The following UTP20 variants were observed in gnomAD, a reference collection of about 807,000 sequenced individuals.
UTP20 encodes UTP20 small subunit processome component.
Under a neutral mutation model 329.5 loss-of-function variants are expected in UTP20, and 164 were observed. The observed-to-expected ratio is 0.50, with a 90% CI of 0.44 to 0.57. The LOEUF (loss-of-function observed/expected upper bound fraction) is 0.57. Ranked by LOEUF, UTP20 falls within the 20% of genes least tolerant of loss-of-function variation. The pLI is 0.00. For synonymous variants in UTP20, 1,151 were observed against 1,159.3 expected (o/e 0.99, Z 0.14); for missense variants, 3,055 against 3,284.2 (o/e 0.93, Z 1.71).
chr12:101,333,522 C>T (rs1868831761), intron 28 of UTP20, 78 bp downstream of exon 28: 1 of 1,529,454 alleles, frequency 6.5e-7, no homozygotes, highest in African/African-American at 1.4e-5. Context: ...TAGCTACCAC[C>T]CAGACATGAA....
Position 101,367,842 on chromosome 12 carries a change from C to A in UTP20, c.6268-18C>A. ...CTAATGGGCAACTAATGTGAAATACCTGTTTGAACTCTCTTAGCTGCTGCA... is the reference window on the plus strand; with the variant it reads ...CTAATGGGCAACTAATGTGAAATACATGTTTGAACTCTCTTAGCTGCTGCA... On this transcript the variant is annotated intron_variant, in intron 47 of 61. Transcript: ENST00000261637. 1.3e-6 allele frequency: 2 copies of A among 1,551,308 alleles called. No individual in the cohort carries two copies. Among genetic ancestry groups the A allele is most frequent in the South Asian group, 1.1e-5 (1 of 89,430 alleles).
intron 44 of UTP20, among the ~76,000 whole-genome samples, chr12:101,363,306 A>G (rs975578054): frequency 2.6e-5 from 4 of 152,238 alleles, no homozygotes; most frequent in Non-Finnish European, 5.9e-5. Context: ...AAGTCATACA[A>G]TTATATATGT....
At chr12:101,282,206 T>A (rs551488120) in intron 2 of UTP20, among the ~76,000 whole-genome samples, 9 of 152,310 alleles carry the variant, frequency 5.9e-5, no homozygotes, top group Admixed American at 3.9e-4. Context: ...TGATGTCGTC[T>A]AGGTGAGCAC....
intron 20 of UTP20, 59 bp from the exon 21 acceptor site, chr12:101,311,977 A>G (rs1282225223): frequency 1.2e-6 from 2 of 1,604,716 alleles, no homozygotes; most frequent in Admixed American, 3.4e-5. Flanking sequence ...CTCTTGAGAA[A>G]ACACTTAAGA....
chr12:101,365,647 C>T (rs1162492801), intron 46 of UTP20, 22 bp downstream of exon 46: 1 of 1,542,872 alleles, frequency 6.5e-7, no homozygotes. Context: ...AAAAAACAAA[C>T]TGTCATTTAG....
At chr12:101,339,654 C>T (rs752170698) in intron 31 of UTP20, among the ~76,000 whole-genome samples, 7 of 151,960 alleles carry the variant, frequency 4.6e-5, no homozygotes, top group Admixed American at 2.6e-4. Context: ...GCAGATTGTT[C>T]GGTTTTTTTG....
At chr12:101,307,989 A>G (rs919452552) in intron 17 of UTP20, among the ~76,000 whole-genome samples, 196 bp from the exon 18 acceptor site, 4 of 152,224 alleles carry the variant, frequency 2.6e-5, no homozygotes, top group African/African-American at 9.6e-5. Context: ...TGCACTAGAC[A>G]CTAAATTATC....
Position 101,383,618 on chromosome 12 carries a change from A to G in UTP20, c.8005A>G (p.Met2669Val), listed in dbSNP as rs139767850. ...GIDKVKPYLP[M>V]IIAPLFRELN... Reference sequence around the variant, plus strand: ...AGACAAGGTAAAGCCGTATCTCCCAATGATCATAGCTCCTTTGTTTCGGGA... The same window carrying G: ...AGACAAGGTAAAGCCGTATCTCCCAGTGATCATAGCTCCTTTGTTTCGGGA... Residue 2669 changes from methionine to valine, a missense_variant, in exon 60 of 62, where the codon ATG becomes GTG. This residue lies in a region of UTP20 where 337 missense variants were observed against 345.5 expected (regional missense o/e 0.98). Coordinates refer to ENST00000261637, the MANE Select transcript of UTP20 (RefSeq NM_014503.3). 5.0e-4 allele frequency: 805 copies of G among 1,613,888 alleles called. No homozygotes were observed. The highest frequency in any genetic ancestry group is 6.1e-4 in the Non-Finnish European group (718 of 1,179,948).
At chr12:101,382,900 A>T in intron 58 of UTP20, 141 bp from the exon 59 acceptor site, 1 of 996,680 alleles carries the variant, frequency 1.0e-6, no homozygotes, top group Non-Finnish European at 1.4e-6. Flanking sequence ...TTCATCATTT[A>T]ATAGTTGTTA....
intron 25 of UTP20, among the ~76,000 whole-genome samples, chr12:101,325,926 A>C (rs897567009): frequency 1.3e-5 from 2 of 152,224 alleles, no homozygotes; most frequent in Non-Finnish European, 2.9e-5. Context: ...AATGATATTA[A>C]CAAATGTTAA....
At chr12:101,315,634 T>C (rs1340722429) in intron 21 of UTP20, among the ~76,000 whole-genome samples, 1 of 152,156 alleles carries the variant, frequency 6.6e-6, no homozygotes, top group Non-Finnish European at 1.5e-5. Flanking sequence ...AAAGCAATGA[T>C]TTTCTCTTTT....
chr12:101,373,221 C>T (rs1870350060), intron 52 of UTP20, among the ~76,000 whole-genome samples, 180 bp from the exon 53 acceptor site: 1 of 152,182 alleles, frequency 6.6e-6, no homozygotes, highest in South Asian at 2.1e-4. Context: ...GACACACTTA[C>T]ATTTAAAATT....
chr12:101,318,217 C>T (rs1429343567), intron 22 of UTP20, among the ~76,000 whole-genome samples: 1 of 152,130 alleles, frequency 6.6e-6, no homozygotes, highest in East Asian at 1.9e-4. Flanking sequence ...TTGTTAGAAA[C>T]CTAAAAGAAG....
chr12:101,373,995 G>A (rs905524428), intron 54 of UTP20, among the ~76,000 whole-genome samples: 5 of 152,110 alleles, frequency 3.3e-5, no homozygotes, highest in African/African-American at 1.2e-4. Context: ...CAGCACTTTG[G>A]GAGGCCGAGG....
rs555859525 is a variant in UTP20 at position 101,287,474 on chromosome 12, C to T, written c.515+965C>T. The stretch of plus-strand genomic sequence containing the variant: ...CTTCAGTTCTAAATTTATTTGCTTT[C>T]GGTGTGACAACTTCAGTAGCCTGGC... On this transcript the variant is annotated intron_variant, in intron 5 of 61. Transcript: ENST00000261637. 1.4e-4 allele frequency among the ~76,000 whole-genome samples: 21 copies of T among 152,334 alleles called. No homozygotes were observed. In the East Asian group the frequency reaches 2.7e-3, roughly 20 times the overall value.
chr12:101,386,388 G>GTAT lies in UTP20; in HGVS notation c.*267_*269dup, dbSNP rs1555203845. ...ATGCCCGGCAAATTTTTTGTATTTT[G>GTAT]TATTTTTTGTAGAAACAGGATTTCG... On this transcript the variant is annotated 3_prime_UTR_variant, in exon 62 of 62. Coordinates refer to ENST00000261637, the MANE Select transcript of UTP20 (RefSeq NM_014503.3). The GTAT allele has an allele frequency of 3.4e-5, 9 of 268,266 alleles. No individual in the cohort carries two copies. Among genetic ancestry groups the GTAT allele is most frequent in the Admixed American group, 1.6e-4 (3 of 18,486 alleles). The allele number at this position is 268,266 out of a possible 1,614,324, so 16.6% of individuals were successfully genotyped here.
At chr12:101,357,583 C>T (rs1684732248) in intron 43 of UTP20, among the ~76,000 whole-genome samples, 1 of 152,074 alleles carries the variant, frequency 6.6e-6, no homozygotes, top group Non-Finnish European at 1.5e-5. Context: ...AGACCTTTTC[C>T]CTACAAAAAC....
intron 25 of UTP20, 76 bp downstream of exon 25, chr12:101,321,705 T>G: frequency 1.3e-6 from 2 of 1,501,690 alleles, no homozygotes; most frequent in South Asian, 1.2e-5. Flanking sequence ...TTATGGTTCT[T>G]TCAACAACTG....
intron 38 of UTP20, among the ~76,000 whole-genome samples, chr12:101,350,457 G>C (rs940306416): frequency 2.0e-5 from 3 of 152,106 alleles, no homozygotes; most frequent in African/African-American, 7.2e-5. Context: ...ATGCCCAGCT[G>C]TAATTTCTTA....
Sources: gnomAD v4.1 joint callset for allele counts (sites outside exome capture counted in the v4.1 genomes callset) on GRCh38, gnomAD v4.1.1 for gene constraint, gnomAD v4.1.1 regional missense constraint, MANE v1.5 for transcripts, NCBI Gene and HGNC (gene_info 2026-07-23, HGNC 2026-07-21) for gene names.